Variants in SUPT3H observed in about 807,000 individuals in gnomAD.
SUPT3H encodes SPT3 homolog, SAGA and STAGA complex component.
In SUPT3H, 44 loss-of-function variants were observed where a neutral mutation model predicts 44.3. The ratio of observed to expected loss-of-function variants is 0.99; its 90% CI spans 0.78 to 1.28. The LOEUF (loss-of-function observed/expected upper bound fraction) is 1.28. Ranked by LOEUF, SUPT3H falls within the 50% of genes most tolerant of loss-of-function variation. The pLI, the probability that SUPT3H is intolerant of heterozygous loss-of-function variation, is 0.00. For synonymous variants in SUPT3H, 124 were observed against 125.6 expected, an observed-to-expected ratio of 0.99 and a Z score of 0.09; for missense variants, 380 against 387.1, an observed-to-expected ratio of 0.98 and a Z score of 0.15.
chr6:45,241,625 G>A (rs576188697), intron 2 of SUPT3H, among the ~76,000 whole-genome samples: 474 of 152,212 alleles, frequency 3.1e-3, no homozygotes, highest in Non-Finnish European at 5.2e-3. Flanking sequence ...CACTCCACAC[G>A]CTATATTTGT....
At chr6:45,170,253 C>T (rs1415774699) in intron 2 of SUPT3H, among the ~76,000 whole-genome samples, 1 of 152,146 alleles carries the variant, frequency 6.6e-6, no homozygotes, top group East Asian at 1.9e-4. Flanking sequence ...CTGAATAATT[C>T]TATAGGCATT....
At position 45,295,524 on chromosome 6, in the gene SUPT3H, CAAAAAAAA is replaced by C. The variant is rs752887669; in HGVS notation, c.101+69669_101+69676del. Among the ~76,000 whole-genome samples the C allele has an allele frequency of 3.0e-4, 12 of 40,086 alleles. No homozygotes were observed. In the East Asian group the frequency reaches 9.9e-3, roughly 33 times the overall value. 26.3% of individuals were successfully genotyped at this position (40,086 alleles called of 152,430 possible). A position where few individuals can be genotyped will look rare whatever the true frequency, so the allele number is the denominator to read the frequency against. On this transcript the variant is annotated intron_variant, in intron 2 of 10. Coordinates refer to ENST00000371459, the MANE Select transcript of SUPT3H (RefSeq NM_003599.4). ...ATTAAACGAAAGAGCTTTTGCACAG[CAAAAAAAA>C]AAAAAAAAAAAAAAAAAAAAAACAG... is the stretch of plus-strand genomic sequence containing the variant.
At chr6:45,173,201 C>G (rs1811118806) in intron 2 of SUPT3H, among the ~76,000 whole-genome samples, 1 of 152,124 alleles carries the variant, frequency 6.6e-6, no homozygotes, top group Admixed American at 6.5e-5. Flanking sequence ...TGTTTCTTCA[C>G]ATGGTTTAAA....
intron 3 of SUPT3H, among the ~76,000 whole-genome samples, chr6:45,054,192 C>T (rs939994755): frequency 6.6e-6 from 1 of 151,942 alleles, no homozygotes; most frequent in East Asian, 1.9e-4. Context: ...ATCTTCTCCC[C>T]CCTGTAAGCT....
intron 10 of SUPT3H, among the ~76,000 whole-genome samples, chr6:44,921,058 T>G (rs1231350780): frequency 3.3e-5 from 5 of 152,226 alleles, no homozygotes; most frequent in African/African-American, 1.2e-4. Flanking sequence ...TGGCACTGCT[T>G]ATTTATTCAC....
chr6:45,290,229 A>C (rs1230076261), intron 2 of SUPT3H, among the ~76,000 whole-genome samples: 1 of 152,186 alleles, frequency 6.6e-6, no homozygotes, highest in Admixed American at 6.5e-5. Flanking sequence ...GGACAAATTC[A>C]ATCTAAATTT....
chr6:45,021,683 A>G (rs1412961702), intron 3 of SUPT3H, among the ~76,000 whole-genome samples: 1 of 152,008 alleles, frequency 6.6e-6, no homozygotes, highest in Non-Finnish European at 1.5e-5. Flanking sequence ...GTGACACACT[A>G]TTATCTCAAC....
At chr6:45,113,562 G>A (rs1377983255) in intron 2 of SUPT3H, among the ~76,000 whole-genome samples, 1 of 152,048 alleles carries the variant, frequency 6.6e-6, no homozygotes, top group Non-Finnish European at 1.5e-5. Flanking sequence ...GGCTGGGCGT[G>A]GTGGCTCAAC....
At chr6:45,286,378 A>T (rs1779274338) in intron 2 of SUPT3H, among the ~76,000 whole-genome samples, 1 of 152,196 alleles carries the variant, frequency 6.6e-6, no homozygotes, top group South Asian at 2.1e-4. Flanking sequence ...AGAATCTACA[A>T]TGAACTCAAA....
intron 10 of SUPT3H, among the ~76,000 whole-genome samples, chr6:44,831,551 A>G (rs1768746178): frequency 6.6e-6 from 1 of 152,098 alleles, no homozygotes; most frequent in South Asian, 2.1e-4. Context: ...CCAAAGTAAT[A>G]CTCTTAGCTT....
At chr6:45,251,493 C>G (rs1584499238) in intron 2 of SUPT3H, among the ~76,000 whole-genome samples, 1 of 151,744 alleles carries the variant, frequency 6.6e-6, no homozygotes, top group African/African-American at 2.4e-5. Context: ...TTCCCAGGCA[C>G]AGGTGAGTAT....
chr6:44,942,067 G>A (rs1243091972), intron 9 of SUPT3H, among the ~76,000 whole-genome samples: 3 of 151,990 alleles, frequency 2.0e-5, no homozygotes, highest in African/African-American at 4.8e-5. Flanking sequence ...CAACAGGATC[G>A]GGAAGAAATG....
intron 2 of SUPT3H, among the ~76,000 whole-genome samples, chr6:45,345,339 C>G (rs968318750): frequency 6.6e-6 from 1 of 152,222 alleles, no homozygotes; most frequent in East Asian, 1.9e-4. Flanking sequence ...ACCAGAGGGA[C>G]TTTATTATAT....
At chr6:45,334,750 T>C (rs1388883020) in intron 2 of SUPT3H, among the ~76,000 whole-genome samples, 1 of 150,870 alleles carries the variant, frequency 6.6e-6, no homozygotes, top group East Asian at 1.9e-4. Context: ...GTAATAATGA[T>C]TATAAACCAG....
At chr6:45,065,540 C>T (rs1192689745) in intron 3 of SUPT3H, among the ~76,000 whole-genome samples, 1 of 151,100 alleles carries the variant, frequency 6.6e-6, no homozygotes, top group Non-Finnish European at 1.5e-5. Context: ...TTGAAAGGAT[C>T]AACAAAATTG....
intron 3 of SUPT3H, among the ~76,000 whole-genome samples, chr6:45,072,086 A>C (rs951470814): frequency 1.3e-5 from 2 of 152,216 alleles, no homozygotes; most frequent in Non-Finnish European, 2.9e-5. Context: ...TTTAATGATT[A>C]CAACAATGCT....
intron 10 of SUPT3H, among the ~76,000 whole-genome samples, chr6:44,910,488 C>T (rs1766841640): frequency 6.6e-6 from 1 of 152,090 alleles, no homozygotes; most frequent in Admixed American, 6.5e-5. Context: ...ATTTAAGTAA[C>T]TTTTCCAGAA....
At position 44,829,622 on chromosome 6, in the gene SUPT3H, C is replaced by G. The variant is rs1251224576; in HGVS notation, c.*194G>C. On this transcript the variant is annotated 3_prime_UTR_variant, in exon 11 of 11. Coordinates refer to ENST00000371459, the MANE Select transcript of SUPT3H (RefSeq NM_003599.4). ...AACATCCTGCCATTAATTAGCTGAA[C>G]AGCCCATCTAGTAAACAAGACCGAT... 1 of 588,370 alleles carries G rather than the reference C, an allele frequency of 1.7e-6. No individual in the cohort carries two copies. The highest frequency in any genetic ancestry group is 1.9e-5 in the African/African-American group (1 of 52,782). 36.4% of individuals were successfully genotyped at this position (588,370 alleles called of 1,614,324 possible).
intron 2 of SUPT3H, among the ~76,000 whole-genome samples, chr6:45,234,921 G>T (rs893362928): frequency 1.3e-5 from 2 of 152,022 alleles, no homozygotes; most frequent in African/African-American, 2.4e-5. Context: ...GATACAAAAC[G>T]CTTCTTAATA....
Sources: allele counts gnomAD v4.1 joint callset (sites outside exome capture counted in the v4.1 genomes callset), GRCh38; gene constraint gnomAD v4.1.1; transcripts MANE v1.5; gene names NCBI Gene and HGNC (gene_info 2026-07-23, HGNC 2026-07-21).